The following CDH12 variants were observed in gnomAD, a reference collection of about 807,000 sequenced individuals.
CDH12 encodes cadherin 12, also known as cadherin-12.
CDH12 carries 41 observed loss-of-function variants against 74.1 expected under a neutral mutation model. The ratio of observed to expected loss-of-function variants is 0.55; its 90% CI spans 0.43 to 0.72. The LOEUF (loss-of-function observed/expected upper bound fraction) is 0.72. Among genes scored for constraint, CDH12 ranks in the 30% least tolerant of loss-of-function variants. The pLI, the probability that CDH12 is intolerant of heterozygous loss-of-function variation, is 0.00. For synonymous variants in CDH12, 399 were observed against 355.0 expected (o/e 1.12, Z -1.39); for missense variants, 945 against 977.2 (o/e 0.97, Z 0.44).
At chr5:21,847,455 G>A (rs1355775086) in intron 7 of CDH12, among the ~76,000 whole-genome samples, 1 of 152,070 alleles carries the variant, frequency 6.6e-6, no homozygotes, top group Non-Finnish European at 1.5e-5. Context: ...GGCAGGGCAT[G>A]GGTAGAGCTG....
At chr5:22,195,591 G>C (rs754667905) in intron 4 of CDH12, among the ~76,000 whole-genome samples, 1 of 152,146 alleles carries the variant, frequency 6.6e-6, no homozygotes, top group African/African-American at 2.4e-5. Flanking sequence ...CATTCATTAA[G>C]ATGGGTGCTT....
chr5:22,059,089 G>C (rs958457961), intron 5 of CDH12, among the ~76,000 whole-genome samples: 1 of 151,982 alleles, frequency 6.6e-6, no homozygotes, highest in Admixed American at 6.6e-5. Flanking sequence ...AGAATTTTTA[G>C]GAATTATCTC....
intron 1 of CDH12, among the ~76,000 whole-genome samples, chr5:22,726,083 C>T (rs1034569808): frequency 6.6e-6 from 1 of 151,448 alleles, no homozygotes; most frequent in African/African-American, 2.4e-5. Context: ...TATTAAGGCC[C>T]CTTCTTGTTA....
chr5:22,337,558 G>T (rs1429978639), intron 3 of CDH12, among the ~76,000 whole-genome samples: 2 of 152,210 alleles, frequency 1.3e-5, no homozygotes, highest in East Asian at 3.9e-4. Context: ...TCAAAAATGA[G>T]AGTTTCCCTG....
intron 1 of CDH12, among the ~76,000 whole-genome samples, chr5:22,629,663 G>A (rs1738477628): frequency 6.6e-6 from 1 of 152,056 alleles, no homozygotes; most frequent in Non-Finnish European, 1.5e-5. Flanking sequence ...CATAATGAAT[G>A]AGCAAAAGGT....
intron 1 of CDH12, among the ~76,000 whole-genome samples, chr5:22,756,550 T>G (rs1399469821): frequency 6.6e-6 from 1 of 152,196 alleles, no homozygotes; most frequent in African/African-American, 2.4e-5. Flanking sequence ...CAATTTACCC[T>G]CATTATCAAA....
At chr5:22,461,023 T>G (rs1379810613) in intron 2 of CDH12, among the ~76,000 whole-genome samples, 1 of 144,622 alleles carries the variant, frequency 6.9e-6, no homozygotes, top group Non-Finnish European at 1.5e-5. Context: ...GCCAGGCCAA[T>G]GTCTAGCTTT....
chr5:22,380,528 A>C (rs1741714536), intron 3 of CDH12, among the ~76,000 whole-genome samples: 1 of 75,252 alleles, frequency 1.3e-5, no homozygotes. Context: ...TTTATGTAAT[A>C]TAACAAATAC....
intron 6 of CDH12, among the ~76,000 whole-genome samples, chr5:21,887,240 TC>T (rs752760479): frequency 1.3e-5 from 2 of 152,192 alleles, no homozygotes; most frequent in Non-Finnish European, 2.9e-5. Flanking sequence ...ATCCCTTCTT[TC>T]ACTCCTTGCT....
chr5:22,214,564 A>ATC (rs1751726064), intron 3 of CDH12, among the ~76,000 whole-genome samples: 1 of 152,150 alleles, frequency 6.6e-6, no homozygotes, highest in Admixed American at 6.5e-5. Context: ...CAGGGCTCTA[A>ATC]TGTGTAGTTG....
At position 21,942,347 on chromosome 5, in the gene CDH12, T is replaced by TATATACAC. The variant is rs1225173229; in HGVS notation, c.526+32743_526+32744insGTGTATAT. ...GAGACAAATACAGTATATATATATA[T>TATATACAC]ACACACACACACACACACACACACA... On this transcript the variant is annotated intron_variant, in intron 6 of 14. Transcript: ENST00000382254. Among the ~76,000 whole-genome samples, 108 of 129,668 alleles carry TATATACAC rather than the reference T, an allele frequency of 8.3e-4. 2 individuals are homozygous for TATATACAC. Among genetic ancestry groups the TATATACAC allele is most frequent in the Middle Eastern group, 7.5e-3 (2 of 266 alleles). 85.1% of individuals were successfully genotyped at this position (129,668 alleles called of 152,430 possible).
chr5:22,756,230 A>C (rs1745902666), intron 1 of CDH12, among the ~76,000 whole-genome samples: 1 of 152,178 alleles, frequency 6.6e-6, no homozygotes, highest in Non-Finnish European at 1.5e-5. Context: ...CAAATAAACA[A>C]ATAATGAGTT....
chr5:21,932,904 G>A (rs888257537), intron 6 of CDH12, among the ~76,000 whole-genome samples: 9 of 148,516 alleles, frequency 6.1e-5, no homozygotes, highest in Non-Finnish European at 1.2e-4. Flanking sequence ...CATAGTTTTT[G>A]CTGTTTCTTT....
chr5:22,476,626 A>T (rs1386103193), intron 2 of CDH12, among the ~76,000 whole-genome samples: 2 of 152,108 alleles, frequency 1.3e-5, no homozygotes, highest in Non-Finnish European at 2.9e-5. Context: ...AAATGATATT[A>T]CCTCATCTTA....
chr5:22,651,883 T>G (rs1739763027), intron 1 of CDH12, among the ~76,000 whole-genome samples: 1 of 152,070 alleles, frequency 6.6e-6, no homozygotes, highest in African/African-American at 2.4e-5. Flanking sequence ...GGAGCAAATC[T>G]TTTCAAGTTC....
At chr5:22,648,482 G>C (rs981641786) in intron 1 of CDH12, among the ~76,000 whole-genome samples, 2 of 151,800 alleles carry the variant, frequency 1.3e-5, no homozygotes, top group Non-Finnish European at 2.9e-5. Flanking sequence ...AAATTCTCTT[G>C]AGCTCACTGT....
intron 1 of CDH12, among the ~76,000 whole-genome samples, chr5:22,603,398 T>A (rs1736941673): frequency 6.6e-6 from 1 of 152,210 alleles, no homozygotes. Flanking sequence ...CCAGTGGCAG[T>A]AGATTAAAAG....
intron 6 of CDH12, among the ~76,000 whole-genome samples, chr5:21,961,200 C>T (rs576507881): frequency 2.6e-5 from 4 of 152,226 alleles, no homozygotes; most frequent in Admixed American, 6.5e-5. Context: ...GTTTTTACTT[C>T]GTGCATTTTG....
intron 1 of CDH12, among the ~76,000 whole-genome samples, chr5:22,846,036 T>G (rs1175244822): frequency 6.6e-6 from 1 of 152,070 alleles, no homozygotes; most frequent in Non-Finnish European, 1.5e-5. Flanking sequence ...GAAGACATAT[T>G]TAGAGAAGGA....
Sources: gnomAD v4.1 joint callset for allele counts (sites outside exome capture counted in the v4.1 genomes callset) on GRCh38, gnomAD v4.1.1 for gene constraint, MANE v1.5 for transcripts, NCBI Gene and HGNC (gene_info 2026-07-23, HGNC 2026-07-21) for gene names.